KCNC2: variants seen among roughly 807,000 people sequenced by gnomAD.
KCNC2 encodes voltage-gated potassium channel KCNC2.
KCNC2 carries 21 observed loss-of-function variants against 44.5 expected under a neutral mutation model. The ratio of observed to expected loss-of-function variants is 0.47; its 90% CI spans 0.33 to 0.68. The LOEUF is 0.68. Among genes scored for constraint, KCNC2 ranks in the 30% least tolerant of loss-of-function variants. The pLI is 0.01. For synonymous variants in KCNC2, 391 were observed against 339.1 expected, an observed-to-expected ratio of 1.15 and a Z score of -1.68; for missense variants, 589 against 826.2, an observed-to-expected ratio of 0.71 and a Z score of 3.52.
chr12:75,122,102 G>C (rs916213097), intron 2 of KCNC2, among the ~76,000 whole-genome samples: 1 of 152,056 alleles, frequency 6.6e-6, no homozygotes, highest in Non-Finnish European at 1.5e-5. Context: ...GAAATCACAG[G>C]TCAACATCCA....
rs142445803 is a variant in KCNC2 at position 75,048,951 on chromosome 12, T to C, written c.1616-634A>G. Among the ~76,000 whole-genome samples the C allele has an allele frequency of 4.6e-4, 70 of 152,212 alleles. No homozygotes were observed. In the East Asian group the frequency reaches 0.013, roughly 28 times the overall value. ...TTGCCAAAGACTTTCACCATCCTAT[T>C]GGCCTAGATACTAGCTTGTTATTTC... On this transcript the variant is annotated intron_variant, in intron 3 of 4. Transcript: ENST00000549446.
chr12:75,157,748 C>A (rs1041487359), intron 2 of KCNC2, among the ~76,000 whole-genome samples: 6 of 151,858 alleles, frequency 4.0e-5, no homozygotes, highest in African/African-American at 1.4e-4. Flanking sequence ...CTGAATGAGA[C>A]TCTGAATGAC....
intron 2 of KCNC2, among the ~76,000 whole-genome samples, chr12:75,183,213 G>A (rs1593048091): frequency 6.6e-6 from 1 of 152,294 alleles, no homozygotes. Context: ...TGGCATTGTA[G>A]CAAAGTAACA....
intron 2 of KCNC2, among the ~76,000 whole-genome samples, chr12:75,151,046 C>T (rs1053276707): frequency 1.3e-5 from 2 of 151,850 alleles, no homozygotes; most frequent in Non-Finnish European, 2.9e-5. Flanking sequence ...TTTATCTTAA[C>T]AGTTTTTGCC....
At chr12:75,071,427 AC>A (rs2137035555) in intron 2 of KCNC2, among the ~76,000 whole-genome samples, 1 of 152,274 alleles carries the variant, frequency 6.6e-6, no homozygotes, top group Admixed American at 6.5e-5. Context: ...TCAGGAGGAA[AC>A]CCAACACATT....
intron 2 of KCNC2, among the ~76,000 whole-genome samples, chr12:75,113,267 A>G (rs1317223781): frequency 6.6e-6 from 1 of 152,140 alleles, no homozygotes; most frequent in Non-Finnish European, 1.5e-5. Context: ...CACAATGTTC[A>G]TATCAAGCGA....
rs1201639135 is a variant in KCNC2, at chr12:75,064,008, T to C, written c.688-12691A>G. 5.3e-5 allele frequency among the ~76,000 whole-genome samples: 8 copies of C among 152,210 alleles called. No homozygotes were observed. In the East Asian group the frequency reaches 9.7e-4, roughly 18 times the overall value. ...ACAAAAAATCAGGTAATTTTCCCTT[T>C]GTTGGTGTTACAAAAATGATTTCTT... On this transcript the variant is annotated intron_variant, in intron 2 of 4. Coordinates refer to ENST00000549446, the MANE Select transcript of KCNC2 (RefSeq NM_139137.4).
intron 2 of KCNC2, among the ~76,000 whole-genome samples, chr12:75,188,246 T>C (rs2029876368): frequency 6.6e-6 from 1 of 152,130 alleles, no homozygotes; most frequent in Admixed American, 6.5e-5. Flanking sequence ...TACAGTAGAC[T>C]CTCTACAGCA....
At chr12:75,126,968 T>G (rs1888469875) in intron 2 of KCNC2, among the ~76,000 whole-genome samples, 1 of 152,154 alleles carries the variant, frequency 6.6e-6, no homozygotes, top group Admixed American at 6.5e-5. Flanking sequence ...ATCGAAAAGC[T>G]TCGAGCTTTC....
chr12:75,080,444 GT>G (rs1223208063), intron 2 of KCNC2, among the ~76,000 whole-genome samples: 1 of 151,588 alleles, frequency 6.6e-6, no homozygotes, highest in Non-Finnish European at 1.5e-5. Context: ...AACTATTCAA[GT>G]CATCTCTTGG....
At chr12:75,093,493 A>G (rs887735421) in intron 2 of KCNC2, among the ~76,000 whole-genome samples, 15 of 151,796 alleles carry the variant, frequency 9.9e-5, no homozygotes, top group African/African-American at 3.6e-4. Flanking sequence ...CCATGCATCA[A>G]TGGGATATTA....
chr12:75,090,793 C>T (rs1885409922), intron 2 of KCNC2, among the ~76,000 whole-genome samples: 2 of 151,116 alleles, frequency 1.3e-5, no homozygotes, highest in African/African-American at 4.8e-5. Flanking sequence ...ATCCTCATTA[C>T]CATCATCATC....
intron 2 of KCNC2, among the ~76,000 whole-genome samples, chr12:75,079,499 C>A (rs1884291622): frequency 6.6e-6 from 1 of 152,104 alleles, no homozygotes; most frequent in Non-Finnish European, 1.5e-5. Flanking sequence ...TAAATGGAGT[C>A]TGAATTCATT....
At chr12:75,114,193 A>G (rs1270569876) in intron 2 of KCNC2, among the ~76,000 whole-genome samples, 4 of 152,206 alleles carry the variant, frequency 2.6e-5, no homozygotes, top group Admixed American at 1.3e-4. Flanking sequence ...AGTGCTTTTG[A>G]CTTTTTGGCT....
At chr12:75,048,745 T>C (rs1272393672) in intron 3 of KCNC2, among the ~76,000 whole-genome samples, 1 of 152,174 alleles carries the variant, frequency 6.6e-6, no homozygotes, top group Non-Finnish European at 1.5e-5. Context: ...TTAAGAGACA[T>C]GCTTTTATTA....
chr12:75,103,366 C>T (rs1262218230), intron 2 of KCNC2, among the ~76,000 whole-genome samples: 1 of 152,138 alleles, frequency 6.6e-6, no homozygotes, highest in African/African-American at 2.4e-5. Context: ...GAAAAATCAG[C>T]CATTCATAAT....
intron 4 of KCNC2, chr12:75,043,899 G>T: frequency 2.5e-6 from 2 of 804,788 alleles, no homozygotes; most frequent in South Asian, 2.4e-5. Flanking sequence ...GTTTGAATTT[G>T]ATTACATGAT....
intron 2 of KCNC2, among the ~76,000 whole-genome samples, chr12:75,055,358 G>A (rs1881628667): frequency 6.6e-6 from 1 of 151,900 alleles, no homozygotes; most frequent in African/African-American, 2.4e-5. Flanking sequence ...AAAGCAAATT[G>A]AACTGGCTTA....
chr12:75,087,020 G>T (rs1392030292), intron 2 of KCNC2, among the ~76,000 whole-genome samples: 1 of 151,950 alleles, frequency 6.6e-6, no homozygotes, highest in Non-Finnish European at 1.5e-5. Context: ...AGGTACTGAG[G>T]ATGCAAAATT....
Sources: gnomAD v4.1 joint callset for allele counts (sites outside exome capture counted in the v4.1 genomes callset) on GRCh38, gnomAD v4.1.1 for gene constraint, MANE v1.5 for transcripts, NCBI Gene and HGNC (gene_info 2026-07-23, HGNC 2026-07-21) for gene names.